SORCS3: variants seen among roughly 807,000 people sequenced by gnomAD.
The protein encoded by SORCS3 is sortilin related VPS10 domain containing receptor 3.
In SORCS3, 57 loss-of-function variants were observed where a neutral mutation model predicts 146.3. The observed-to-expected ratio is 0.39, with a 90% CI of 0.31 to 0.49. The LOEUF is 0.49. Among genes scored for constraint, SORCS3 ranks in the 20% least tolerant of loss-of-function variants. The pLI is 0.92. For synonymous variants in SORCS3, 653 were observed against 618.5 expected (o/e 1.06, Z -0.83); for missense variants, 1,341 against 1,575.5 (o/e 0.85, Z 2.52).
At chr10:104,668,914 G>A (rs1272289993) in intron 1 of SORCS3, among the ~76,000 whole-genome samples, 1 of 152,200 alleles carries the variant, frequency 6.6e-6, no homozygotes, top group Non-Finnish European at 1.5e-5. Flanking sequence ...GACTGTTAAA[G>A]CAAATTAAAC....
chr10:104,788,252 G>A (rs115989015), intron 1 of SORCS3, among the ~76,000 whole-genome samples: 1,904 of 152,256 alleles, frequency 0.013, 40 homozygotes, highest in African/African-American at 0.043. Context: ...TGCATTGTGG[G>A]TTCTGAGGAG....
At chr10:104,950,336 G>A (rs1398803097) in intron 3 of SORCS3, among the ~76,000 whole-genome samples, 1 of 152,174 alleles carries the variant, frequency 6.6e-6, no homozygotes, top group African/African-American at 2.4e-5. Context: ...GCTAGTTCCT[G>A]CAACATTACT....
At chr10:105,031,172 G>A (rs1470888802) in intron 4 of SORCS3, among the ~76,000 whole-genome samples, 3 of 151,852 alleles carry the variant, frequency 2.0e-5, no homozygotes, top group Admixed American at 2.0e-4. Flanking sequence ...GGTGGTGGGT[G>A]CCTGTAATCC....
chr10:104,766,685 G>A (rs2017183894), intron 1 of SORCS3, among the ~76,000 whole-genome samples: 1 of 152,210 alleles, frequency 6.6e-6, no homozygotes, highest in Admixed American at 6.5e-5. Context: ...GCCACTGTAT[G>A]GGCCATGTTG....
intron 5 of SORCS3, among the ~76,000 whole-genome samples, chr10:105,086,709 T>A (rs1086552): frequency 0.41 from 62,016 of 152,012 alleles, 13,193 homozygotes; most frequent in African/African-American, 0.51. Context: ...GCCAGTGACC[T>A]TAGGGAGAGA....
At chr10:104,667,419 C>T (rs1457871028) in intron 1 of SORCS3, among the ~76,000 whole-genome samples, 1 of 152,124 alleles carries the variant, frequency 6.6e-6, no homozygotes, top group East Asian at 1.9e-4. Flanking sequence ...TCTTCTCTTT[C>T]TCTAGACTAT....
chr10:104,789,130 A>G (rs1357062201), intron 1 of SORCS3, among the ~76,000 whole-genome samples: 1 of 152,128 alleles, frequency 6.6e-6, no homozygotes, highest in African/African-American at 2.4e-5. Flanking sequence ...GCCTTTGATG[A>G]CTAGTGTGGT....
chr10:104,705,432 G>A (rs2133434295), intron 1 of SORCS3, among the ~76,000 whole-genome samples: 1 of 151,698 alleles, frequency 6.6e-6, no homozygotes, highest in Non-Finnish European at 1.5e-5. Context: ...CACCGAATTA[G>A]GTTCAACTAC....
chr10:105,055,757 T>C (rs1033540900), intron 5 of SORCS3, among the ~76,000 whole-genome samples: 1 of 152,214 alleles, frequency 6.6e-6, no homozygotes, highest in African/African-American at 2.4e-5. Context: ...TCAGAGTTCA[T>C]ATTTCTGACC....
At chr10:105,059,058 T>C (rs2055465385) in intron 5 of SORCS3, among the ~76,000 whole-genome samples, 1 of 152,194 alleles carries the variant, frequency 6.6e-6, no homozygotes, top group Admixed American at 6.5e-5. Context: ...AATCTCCATC[T>C]GAACAAGCTC....
At chr10:105,109,713 T>C (rs2055846800) in intron 7 of SORCS3, among the ~76,000 whole-genome samples, 1 of 152,092 alleles carries the variant, frequency 6.6e-6, no homozygotes, top group Non-Finnish European at 1.5e-5. Flanking sequence ...TGTTTTATTT[T>C]GTTTTTTAAC....
chr10:104,831,621 C>T (rs757673686), intron 1 of SORCS3, among the ~76,000 whole-genome samples: 18 of 152,178 alleles, frequency 1.2e-4, no homozygotes, highest in African/African-American at 3.6e-4. Flanking sequence ...GTCCAAGCAA[C>T]GTGGTCAGGG....
chr10:105,060,091 T>C (rs1564744802), intron 5 of SORCS3, among the ~76,000 whole-genome samples: 1 of 152,102 alleles, frequency 6.6e-6, no homozygotes, highest in Admixed American at 6.6e-5. Flanking sequence ...CAGCCTGTGA[T>C]AGAGGTGTCA....
intron 23 of SORCS3, among the ~76,000 whole-genome samples, chr10:105,253,986 A>G (rs182643735): frequency 1.1e-3 from 166 of 152,370 alleles, no homozygotes; most frequent in Non-Finnish European, 2.2e-3. Context: ...ACAGTGATGA[A>G]TAGCAGCTGT....
At chr10:105,083,854 G>C (rs1490747993) in intron 5 of SORCS3, among the ~76,000 whole-genome samples, 1 of 152,176 alleles carries the variant, frequency 6.6e-6, no homozygotes, top group African/African-American at 2.4e-5. Context: ...TTACATGTTG[G>C]AGAAAGGGAG....
At chr10:105,178,914 G>A (rs1343593513) in intron 14 of SORCS3, among the ~76,000 whole-genome samples, 1 of 152,174 alleles carries the variant, frequency 6.6e-6, no homozygotes, top group Non-Finnish European at 1.5e-5. Flanking sequence ...GCACAGAAGG[G>A]CTCACAGCGT....
In SORCS3 at chr10:105,043,084, G is replaced by A; in HGVS notation, c.984G>A (p.Arg328=). ...ACAGCTCCATGGACTTTGGAAGACG[G>A]TGGCAACTCATGCATGAACGCATCA... ...KLYSSMDFGR[R]WQLMHERITP... Residue 328 remains arginine, a synonymous_variant, in exon 5 of 27, where the codon CGG becomes CGA. Transcript: ENST00000369701. The A allele has an allele frequency of 1.2e-6, 2 of 1,613,828 alleles. No individual in the cohort carries two copies. The highest frequency in any genetic ancestry group is 1.1e-5 in the South Asian group (1 of 91,078).
At chr10:104,958,029 C>T (rs1202157543) in intron 3 of SORCS3, among the ~76,000 whole-genome samples, 2 of 152,098 alleles carry the variant, frequency 1.3e-5, no homozygotes, top group Non-Finnish European at 1.5e-5. Flanking sequence ...AGAGAACACC[C>T]ACGGAGAAGA....
At chr10:105,251,912 T>A (rs2056901256) in intron 22 of SORCS3, among the ~76,000 whole-genome samples, 1 of 152,154 alleles carries the variant, frequency 6.6e-6, no homozygotes, top group Non-Finnish European at 1.5e-5. Flanking sequence ...TTTTATAGAG[T>A]TGTAACCAAA....
Sources: allele counts gnomAD v4.1 joint callset (sites outside exome capture counted in the v4.1 genomes callset), GRCh38; gene constraint gnomAD v4.1.1; transcripts MANE v1.5; gene names NCBI Gene and HGNC (gene_info 2026-07-23, HGNC 2026-07-21).